Variants in CCDC7 observed in about 807,000 individuals in gnomAD.
The protein encoded by CCDC7 is coiled-coil domain containing 7, also known as coiled-coil domain-containing protein 7.
A neutral mutation model predicts 196.9 loss-of-function variants in CCDC7; 183 were observed. The ratio of observed to expected loss-of-function variants is 0.93; its 90% CI spans 0.82 to 1.05. The LOEUF (loss-of-function observed/expected upper bound fraction) is 1.05. Ranked by LOEUF, CCDC7 falls within the 50% of genes least tolerant of loss-of-function variation. CCDC7 has a pLI of 0.00. For synonymous variants in CCDC7, 525 were observed against 484.6 expected, an observed-to-expected ratio of 1.08 and a Z score of -1.10; for missense variants, 1,540 against 1,482.2, an observed-to-expected ratio of 1.04 and a Z score of -0.64.
At chr10:32,834,130 T>C (rs1462716412) in intron 32 of CCDC7, among the ~76,000 whole-genome samples, 1 of 152,144 alleles carries the variant, frequency 6.6e-6, no homozygotes, top group African/African-American at 2.4e-5. Flanking sequence ...TCAGTGCTGA[T>C]AGGAATGCAA....
chr10:32,453,602 A>C (rs920785000), intron 2 of CCDC7, among the ~76,000 whole-genome samples, 166 bp downstream of exon 3: 2 of 152,206 alleles, frequency 1.3e-5, no homozygotes, highest in South Asian at 4.1e-4. Context: ...CAACCCAACC[A>C]AATCCCTCTT....
At chr10:32,516,547 C>T (rs947851233) in intron 9 of CCDC7, among the ~76,000 whole-genome samples, 1 of 152,156 alleles carries the variant, frequency 6.6e-6, no homozygotes, top group African/African-American at 2.4e-5. Context: ...CTCGGTCTCC[C>T]AAAGTGCTGG....
intron 2 of CCDC7, 28 bp from the exon 4 acceptor site, chr10:32,456,223 C>CT: frequency 6.7e-7 from 1 of 1,485,914 alleles, no homozygotes; most frequent in East Asian, 2.3e-5. Context: ...TTAAATGTAA[C>CT]TTTATGTTTT....
chr10:32,879,130 C>A (rs997511424), downstream of CCDC7, among the ~76,000 whole-genome samples: 1 of 151,888 alleles, frequency 6.6e-6, no homozygotes, highest in African/African-American at 2.4e-5. Context: ...CGTGTGCCAT[C>A]GTGGTTTGCT....
intron 9 of CCDC7, among the ~76,000 whole-genome samples, chr10:32,515,151 TC>T (rs2046828726): frequency 6.6e-6 from 1 of 152,128 alleles, no homozygotes; most frequent in Non-Finnish European, 1.5e-5. Flanking sequence ...TAGCAATACT[TC>T]CCAAATTGTC....
At chr10:32,621,458 G>C (rs1221829243) in intron 18 of CCDC7, among the ~76,000 whole-genome samples, 1 of 152,102 alleles carries the variant, frequency 6.6e-6, no homozygotes, top group Non-Finnish European at 1.5e-5. Flanking sequence ...AATAGGATCT[G>C]TCTGTCTGTC....
intron 9 of CCDC7, among the ~76,000 whole-genome samples, chr10:32,493,225 CTT>C (rs1222930756): frequency 1.3e-5 from 2 of 151,932 alleles, no homozygotes; most frequent in African/African-American, 2.4e-5. Context: ...ATGAGTTTGA[CTT>C]TTTAGGGTTC....
At chr10:32,648,081 G>C (rs774616147) in intron 20 of CCDC7, among the ~76,000 whole-genome samples, 1 of 152,160 alleles carries the variant, frequency 6.6e-6, no homozygotes, top group Non-Finnish European at 1.5e-5. Context: ...TTATTGAATT[G>C]GGAGCCCTTT....
chr10:32,580,922 G>C (rs1345451947), intron 16 of CCDC7, among the ~76,000 whole-genome samples: 1 of 152,000 alleles, frequency 6.6e-6, no homozygotes, highest in Non-Finnish European at 1.5e-5. Context: ...AAAGAGGGCA[G>C]TTTGGGCAGT....
chr10:32,763,431 T>G (rs2077763878), intron 28 of CCDC7, among the ~76,000 whole-genome samples: 1 of 151,804 alleles, frequency 6.6e-6, no homozygotes, highest in Admixed American at 6.6e-5. Flanking sequence ...GGAGTTTCTT[T>G]AAAAAATTAA....
chr10:32,727,663 C>T (rs192987654), intron 26 of CCDC7, among the ~76,000 whole-genome samples: 316 of 152,140 alleles, frequency 2.1e-3, no homozygotes, highest in Middle Eastern at 0.01. Flanking sequence ...AAAGCAATTG[C>T]AGTTTTTGCC....
intron 18 of CCDC7, among the ~76,000 whole-genome samples, chr10:32,611,798 T>G (rs555674396): frequency 6.6e-6 from 1 of 152,332 alleles, no homozygotes; most frequent in African/African-American, 2.4e-5. Context: ...TTGGCACCAG[T>G]ACCATGCTGT....
intron 25 of CCDC7, among the ~76,000 whole-genome samples, chr10:32,716,409 G>A (rs1016304025): frequency 8.5e-5 from 13 of 152,246 alleles, no homozygotes; most frequent in African/African-American, 3.1e-4. Context: ...CACTAAATAT[G>A]GAAAGGAAAA....
chr10:32,485,230 G>A (rs201537506), intron 8 of CCDC7, among the ~76,000 whole-genome samples: 39 of 150,698 alleles, frequency 2.6e-4, no homozygotes, highest in East Asian at 1.8e-3. Flanking sequence ...GTCTTGGGAC[G>A]GTGTGTCGAG....
chr10:32,448,694 C>G (rs1406839908), upstream of CCDC7, among the ~76,000 whole-genome samples: 2 of 152,020 alleles, frequency 1.3e-5, no homozygotes, highest in Non-Finnish European at 2.9e-5. Flanking sequence ...TTATTGGTCT[C>G]TTCATATATA....
At chr10:32,780,789 A>G (rs147738451) in intron 29 of CCDC7, among the ~76,000 whole-genome samples, 2 of 152,298 alleles carry the variant, frequency 1.3e-5, no homozygotes, top group East Asian at 3.9e-4. Context: ...ATCAGTAATT[A>G]TTTTAAATGC....
At chr10:32,819,342 A>G (rs897383583) in intron 31 of CCDC7, among the ~76,000 whole-genome samples, 15 of 152,188 alleles carry the variant, frequency 9.9e-5, no homozygotes, top group Non-Finnish European at 1.8e-4. Flanking sequence ...CAACCAAAAA[A>G]AGTCCAGGAC....
intron 28 of CCDC7, among the ~76,000 whole-genome samples, chr10:32,747,757 G>A (rs1039803175): frequency 3.9e-5 from 6 of 152,180 alleles, no homozygotes; most frequent in African/African-American, 1.4e-4. Flanking sequence ...ATACACTGCT[G>A]GTTGGAATGT....
At chr10:32,699,171 A>G (rs1289249798) in intron 24 of CCDC7, among the ~76,000 whole-genome samples, 1 of 151,080 alleles carries the variant, frequency 6.6e-6, no homozygotes, top group East Asian at 2.0e-4. Flanking sequence ...ATCATTTAAC[A>G]TTAGGTATAT....
Sources: gnomAD v4.1 joint callset for allele counts (sites outside exome capture counted in the v4.1 genomes callset) on GRCh38, gnomAD v4.1.1 for gene constraint, MANE v1.5 for transcripts, NCBI Gene and HGNC (gene_info 2026-07-23, HGNC 2026-07-21) for gene names.